CALD1: variants seen among roughly 807,000 people sequenced by gnomAD.
CALD1 encodes caldesmon.
A neutral mutation model predicts 99.9 loss-of-function variants in CALD1; 33 were observed. The observed-to-expected ratio is 0.33, with a 90% CI of 0.25 to 0.44. The LOEUF is 0.44. Among genes scored for constraint, CALD1 ranks in the 20% least tolerant of loss-of-function variants. The pLI, the probability that CALD1 is intolerant of heterozygous loss-of-function variation, is 1.00. For synonymous variants in CALD1, 310 were observed against 325.0 expected, an observed-to-expected ratio of 0.95 and a Z score of 0.50; for missense variants, 861 against 962.1, an observed-to-expected ratio of 0.89 and a Z score of 1.39.
chr7:134,865,369 G>C (rs186695879), intron 2 of CALD1, among the ~76,000 whole-genome samples: 2 of 151,626 alleles, frequency 1.3e-5, no homozygotes, highest in Non-Finnish European at 2.9e-5. Context: ...ACACACCACC[G>C]AGAGTCATAC....
intron 12 of CALD1, 182 bp from the exon 13 acceptor site, chr7:134,960,351 A>T: frequency 1.5e-6 from 1 of 651,772 alleles, no homozygotes; most frequent in East Asian, 2.7e-5. Flanking sequence ...CCACCCTTGG[A>T]GTTGGAGTGG....
chr7:134,847,810 G>A (rs1799914669), intron 2 of CALD1, among the ~76,000 whole-genome samples: 1 of 152,184 alleles, frequency 6.6e-6, no homozygotes, highest in Admixed American at 6.5e-5. Flanking sequence ...ACACAACGGT[G>A]CCAGGAGCTC....
At chr7:134,791,578 G>A (rs1486537310) in intron 1 of CALD1, among the ~76,000 whole-genome samples, 1 of 152,150 alleles carries the variant, frequency 6.6e-6, no homozygotes, top group Admixed American at 6.5e-5. Context: ...TTTCCTTAAA[G>A]ACAGCCAGTT....
At chr7:134,769,760 C>T (rs1796862268) in intron 1 of CALD1, among the ~76,000 whole-genome samples, 2 of 152,124 alleles carry the variant, frequency 1.3e-5, no homozygotes, top group South Asian at 4.1e-4. Flanking sequence ...GCCTCAACCT[C>T]TTGAGTAGCT....
intron 1 of CALD1, among the ~76,000 whole-genome samples, chr7:134,750,392 T>C (rs1796675532): frequency 6.6e-6 from 1 of 152,162 alleles, no homozygotes; most frequent in Non-Finnish European, 1.5e-5. Flanking sequence ...CACAACTTTA[T>C]AAGTGGCACG....
chr7:134,928,602 G>C, intron 3 of CALD1, 152 bp from the exon 4 acceptor site: 1 of 571,150 alleles, frequency 1.8e-6, no homozygotes, highest in Non-Finnish European at 2.9e-6. Context: ...TGACTAGGTC[G>C]CTAAACTTAA....
At position 134,786,045 on chromosome 7, in the gene CALD1, G is replaced by A. The variant is rs62462523; in HGVS notation, c.-130+6296G>A. 4.6e-3 allele frequency among the ~76,000 whole-genome samples: 702 copies of A among 152,208 alleles called. 4 individuals carry two copies. The highest frequency in any genetic ancestry group is 0.024 in the Middle Eastern group (7 of 294). On this transcript the variant is annotated intron_variant, in intron 1 of 14. Coordinates refer to ENST00000361675, the MANE Select transcript of CALD1 (RefSeq NM_033138.4). Reference sequence around the variant, plus strand: ...AAGCTCAGAGGGGAGGGGAAAATGTGGTCACTGATAGTGATATCTGTTGTG... The same window carrying A: ...AAGCTCAGAGGGGAGGGGAAAATGTAGTCACTGATAGTGATATCTGTTGTG...
chr7:134,891,404 G>C, intron 3 of CALD1: 11 of 1,281,850 alleles, frequency 8.6e-6, no homozygotes, highest in Non-Finnish European at 1.1e-5. Flanking sequence ...GGAGGGAACG[G>C]GTTGGGAGGA....
At chr7:134,802,110 GTA>G (rs60652336) in intron 1 of CALD1, among the ~76,000 whole-genome samples, 88,165 of 150,568 alleles carry the variant, frequency 0.59, 26,231 homozygotes, top group East Asian at 0.91. Flanking sequence ...TATGTGTGTA[GTA>G]TATATATATA....
intron 3 of CALD1, among the ~76,000 whole-genome samples, chr7:134,884,538 C>G (rs1489248307): frequency 6.6e-6 from 1 of 151,510 alleles, no homozygotes; most frequent in Non-Finnish European, 1.5e-5. Context: ...AGGCATCAGT[C>G]TCTTGTGCAT....
At position 134,965,153 on chromosome 7, in the gene CALD1, G is replaced by A. The variant is rs1354328340; in HGVS notation, c.2296-153G>A. The stretch of plus-strand genomic sequence containing the variant: ...AAAATAAAAAAATCAAACAACAGCT[G>A]ATGGTCCTTTCAATTCCATTTCAGA... On this transcript the variant is annotated intron_variant, in intron 13 of 14. Transcript: ENST00000361675. The A allele has an allele frequency of 4.9e-6, 3 of 613,532 alleles. No individual in the cohort carries two copies. The Admixed American group carries it at 8.6e-5, about 18-fold the overall frequency. The allele number at this position is 613,532 out of a possible 1,614,324, so 38.0% of individuals were successfully genotyped here. A position where few individuals can be genotyped will look rare whatever the true frequency, so the allele number is the denominator to read the frequency against.
intron 1 of CALD1, among the ~76,000 whole-genome samples, chr7:134,752,403 A>G (rs1796692238): frequency 6.6e-6 from 1 of 152,264 alleles, no homozygotes; most frequent in Non-Finnish European, 1.5e-5. Context: ...TTATGATTTT[A>G]GCACACAAAA....
chr7:134,743,464 G>C (rs1169386674), upstream of CALD1, among the ~76,000 whole-genome samples: 2 of 152,114 alleles, frequency 1.3e-5, no homozygotes, highest in East Asian at 1.9e-4. Flanking sequence ...AAATCTAAGG[G>C]GGGTGGGAAT....
chr7:134,812,667 C>A (rs1798399071), intron 1 of CALD1, among the ~76,000 whole-genome samples: 1 of 151,716 alleles, frequency 6.6e-6, no homozygotes, highest in Non-Finnish European at 1.5e-5. Context: ...TTAGGAAGAA[C>A]ATACAAGGAG....
Position 134,968,354 on chromosome 7 carries a change from C to T in CALD1, c.*9C>T. On this transcript the variant is annotated 3_prime_UTR_variant, in exon 15 of 15. Coordinates refer to ENST00000361675, the MANE Select transcript of CALD1 (RefSeq NM_033138.4). The stretch of plus-strand genomic sequence containing the variant: ...TCTCTTGGCAGGTTTGAGACAGTTC[C>T]AGAAAGAACCCAAGCTCAAGACGCA... 6.2e-7 allele frequency: 1 copy of T among 1,613,564 alleles called. No homozygotes were observed. Among genetic ancestry groups the T allele is most frequent in the Middle Eastern group, 1.6e-4 (1 of 6,062 alleles).
At chr7:134,917,821 G>C (rs1253463885) in intron 3 of CALD1, among the ~76,000 whole-genome samples, 1 of 152,090 alleles carries the variant, frequency 6.6e-6, no homozygotes, top group Non-Finnish European at 1.5e-5. Context: ...GAAGGAGTTT[G>C]GTTATTTTAT....
intron 1 of CALD1, among the ~76,000 whole-genome samples, chr7:134,780,237 G>A (rs1206048426): frequency 1.3e-5 from 2 of 152,164 alleles, no homozygotes; most frequent in Admixed American, 6.5e-5. Flanking sequence ...AGGCTTTTGC[G>A]TTATAGTCTG....
chr7:134,966,754 C>T (rs898995041), intron 14 of CALD1, among the ~76,000 whole-genome samples: 7 of 152,098 alleles, frequency 4.6e-5, no homozygotes, highest in East Asian at 3.9e-4. Context: ...AATTTTCTCT[C>T]GGTGGCAGGG....
At chr7:134,925,810 AG>A (rs900306716) in intron 3 of CALD1, among the ~76,000 whole-genome samples, 5 of 152,138 alleles carry the variant, frequency 3.3e-5, no homozygotes, top group Admixed American at 2.6e-4. Context: ...TCCCATACGG[AG>A]TTTTATGCCT....
Sources: allele counts gnomAD v4.1 joint callset (sites outside exome capture counted in the v4.1 genomes callset), GRCh38; gene constraint gnomAD v4.1.1; transcripts MANE v1.5; gene names NCBI Gene and HGNC (gene_info 2026-07-23, HGNC 2026-07-21).